Variants in IMMP1L observed in about 807,000 individuals in gnomAD.
The protein encoded by IMMP1L is mitochondrial inner membrane protease subunit 1.
Under a neutral mutation model 21.8 loss-of-function variants are expected in IMMP1L, and 24 were observed. That is an observed-to-expected ratio of 1.10 (90% confidence interval 0.80 to 1.55). The LOEUF is 1.55. Ranked by LOEUF, IMMP1L falls within the 40% of genes most tolerant of loss-of-function variation. The probability of loss-of-function intolerance (pLI) is 0.00; values close to 1 mark genes in which losing one functional copy is unlikely to be tolerated. For missense variants in IMMP1L, 195 were observed against 200.7 expected, an observed-to-expected ratio of 0.97 and a Z score of 0.17; for synonymous variants, 46 against 62.8, an observed-to-expected ratio of 0.73 and a Z score of 1.26.
intron 4 of IMMP1L, chr11:31,452,517 A>C (rs1953791005): frequency 1.0e-6 from 1 of 985,330 alleles, no homozygotes; most frequent in Non-Finnish European, 1.2e-6. Flanking sequence ...CTTCCAACTA[A>C]ATTATTTTTT....
intron 1 of IMMP1L, among the ~76,000 whole-genome samples, chr11:31,484,329 G>A (rs1264724288): frequency 2.6e-5 from 4 of 151,640 alleles, no homozygotes; most frequent in African/African-American, 7.3e-5. Context: ...TGAATATATG[G>A]TTTTATTCCC....
intron 1 of IMMP1L, among the ~76,000 whole-genome samples, chr11:31,479,274 T>C (rs1564998022): frequency 6.6e-6 from 1 of 152,104 alleles, no homozygotes; most frequent in Non-Finnish European, 1.5e-5. Context: ...CATTAGTCAT[T>C]ATCACGTCAT....
At chr11:31,467,947 A>C (rs193187942) in intron 1 of IMMP1L, among the ~76,000 whole-genome samples, 12 of 152,282 alleles carry the variant, frequency 7.9e-5, no homozygotes, top group African/African-American at 2.9e-4. Flanking sequence ...CCTGCCAAAA[A>C]TGTGTAACCT....
intron 3 of IMMP1L, among the ~76,000 whole-genome samples, chr11:31,456,876 CAAAAAAAAAAAAAA>C (rs56849120): frequency 5.0e-4 from 9 of 17,968 alleles, no homozygotes; most frequent in Middle Eastern, 0.12. Flanking sequence ...ACCATGTCTC[CAAAAAAAAAAAAAA>C]AAAAAAAAAA....
At chr11:31,468,315 T>C (rs1341628902) in intron 1 of IMMP1L, among the ~76,000 whole-genome samples, 1 of 152,214 alleles carries the variant, frequency 6.6e-6, no homozygotes, top group African/African-American at 2.4e-5. Context: ...AAAAATGCTA[T>C]GACTGCAACT....
At chr11:31,489,535 T>TA (rs1348616733) in intron 1 of IMMP1L, among the ~76,000 whole-genome samples, 1 of 152,192 alleles carries the variant, frequency 6.6e-6, no homozygotes, top group Admixed American at 6.5e-5. Flanking sequence ...TCTGATATAT[T>TA]AATCTTCTAC....
At chr11:31,500,441 A>AAT (rs1169770678) in intron 1 of IMMP1L, among the ~76,000 whole-genome samples, 2 of 152,156 alleles carry the variant, frequency 1.3e-5, no homozygotes, top group Non-Finnish European at 2.9e-5. Flanking sequence ...TTAAACATAA[A>AAT]ATATATGCCT....
rs1292456623 is a variant in IMMP1L at position 31,437,692 on chromosome 11, CAAT to C, written c.322-4125_322-4123del. Among the ~76,000 whole-genome samples, 5 of 152,162 alleles carry C rather than the reference CAAT, an allele frequency of 3.3e-5. No homozygotes were observed. The East Asian group carries it at 5.8e-4, about 18-fold the overall frequency. ...GTACATACCCATCTAACCACAACCA[CAAT>C]GATACAGGATGTTTCTTCCATGCCG... On this transcript the variant is annotated intron_variant, in intron 4 of 5. Transcript: ENST00000532287.
At chr11:31,477,934 A>G (rs1042412488) in intron 1 of IMMP1L, among the ~76,000 whole-genome samples, 2 of 152,138 alleles carry the variant, frequency 1.3e-5, no homozygotes, top group African/African-American at 2.4e-5. Flanking sequence ...CAGGGACCTC[A>G]TGTTGGTCTT....
intron 1 of IMMP1L, among the ~76,000 whole-genome samples, chr11:31,500,459 A>G (rs1455866738): frequency 2.0e-5 from 3 of 152,124 alleles, no homozygotes; most frequent in Non-Finnish European, 4.4e-5. Flanking sequence ...CCTGTCTGCC[A>G]CCACCTTCTC....
intron 1 of IMMP1L, among the ~76,000 whole-genome samples, chr11:31,464,589 A>G (rs546116105): frequency 2.6e-5 from 4 of 152,252 alleles, no homozygotes; most frequent in Admixed American, 6.5e-5. Flanking sequence ...ATAATATACC[A>G]CGATCAGATG....
At chr11:31,488,316 T>C (rs1248514625) in intron 1 of IMMP1L, 1 of 152,206 alleles carries the variant, frequency 6.6e-6, no homozygotes, top group African/African-American at 2.4e-5. Context: ...TAGTCTATAC[T>C]ATGACTGAAT....
At chr11:31,500,660 A>T (rs11828023) in intron 1 of IMMP1L, among the ~76,000 whole-genome samples, 40,404 of 151,440 alleles carry the variant, frequency 0.27, 5,640 homozygotes, top group South Asian at 0.34. Context: ...AAGGACTCGG[A>T]ACACAGGGCA....
At chr11:31,435,291 G>T (rs1953081172) in intron 4 of IMMP1L, among the ~76,000 whole-genome samples, 1 of 152,074 alleles carries the variant, frequency 6.6e-6, no homozygotes, top group Non-Finnish European at 1.5e-5. Context: ...CCCTAAACTT[G>T]CCTGCCCTTA....
At chr11:31,451,299 G>C (rs1458515081) in intron 4 of IMMP1L, among the ~76,000 whole-genome samples, 4 of 152,032 alleles carry the variant, frequency 2.6e-5, no homozygotes, top group Non-Finnish European at 5.9e-5. Context: ...GGTGTGGAGA[G>C]TATAATGGAA....
intron 1 of IMMP1L, among the ~76,000 whole-genome samples, chr11:31,498,519 A>G (rs773230809): frequency 1.3e-5 from 2 of 152,168 alleles, no homozygotes; most frequent in African/African-American, 4.8e-5. Flanking sequence ...TTGCTTTCCC[A>G]TCACTTTTTC....
At chr11:31,491,341 T>C (rs1955249616) in intron 1 of IMMP1L, among the ~76,000 whole-genome samples, 1 of 152,118 alleles carries the variant, frequency 6.6e-6, no homozygotes, top group Admixed American at 6.5e-5. Flanking sequence ...GAACAGAATG[T>C]TGACAGAAAT....
intron 1 of IMMP1L, among the ~76,000 whole-genome samples, chr11:31,507,123 C>A (rs1332584844): frequency 1.3e-5 from 2 of 150,994 alleles, no homozygotes; most frequent in African/African-American, 2.4e-5. Context: ...ACTAAAAATA[C>A]AAAAAATCAG....
rs567575845 is a variant in IMMP1L, at chr11:31,442,511, T to C, written c.322-8941A>G. 1.3e-4 allele frequency among the ~76,000 whole-genome samples: 20 copies of C among 152,352 alleles called. 1 individual carries two copies. In the South Asian group the frequency reaches 3.9e-3, roughly 30 times the overall value. ...AAGTTCTGGCTAAAAAATAGTTGTA[T>C]GTTTGACCTTCAAAAGTTTCAAAAA... is the stretch of plus-strand genomic sequence containing the variant. On this transcript the variant is annotated intron_variant, in intron 4 of 5. Coordinates refer to ENST00000532287, the MANE Select transcript of IMMP1L (RefSeq NM_001304274.2).
Sources: gnomAD v4.1 joint callset for allele counts (sites outside exome capture counted in the v4.1 genomes callset) on GRCh38, gnomAD v4.1.1 for gene constraint, MANE v1.5 for transcripts, NCBI Gene and HGNC (gene_info 2026-07-23, HGNC 2026-07-21) for gene names.